The following CRPPA variants were observed in gnomAD, a reference collection of about 807,000 sequenced individuals.
CRPPA encodes the protein D-ribitol-5-phosphate cytidylyltransferase.
Under a neutral mutation model 52.0 loss-of-function variants are expected in CRPPA, and 43 were observed. That is an observed-to-expected ratio of 0.83 (90% CI 0.65 to 1.07). CRPPA has a LOEUF of 1.07. Ranked by LOEUF, CRPPA falls within the 50% of genes least tolerant of loss-of-function variation. The probability of loss-of-function intolerance (pLI) is 0.00; values close to 1 mark genes in which losing one functional copy is unlikely to be tolerated. For synonymous variants in CRPPA, 250 were observed against 203.5 expected (o/e 1.23, Z -1.94); for missense variants, 629 against 551.7 (o/e 1.14, Z -1.40).
chr7:16,362,278 A>T (rs1786474077), intron 3 of CRPPA, among the ~76,000 whole-genome samples: 1 of 152,232 alleles, frequency 6.6e-6, no homozygotes, highest in South Asian at 2.1e-4. Flanking sequence ...AAAGTCCAAG[A>T]TCACTGTGCC....
chr7:16,220,633 A>C (rs1276226443), intron 8 of CRPPA, among the ~76,000 whole-genome samples: 1 of 139,274 alleles, frequency 7.2e-6, no homozygotes, highest in Non-Finnish European at 1.6e-5. Context: ...AATCACAAGC[A>C]TTCTTATACA....
rs766268683 is a variant in CRPPA at position 16,303,491 on chromosome 7, A to AAAAAAAAAAAAAAAAAAAAAAAAC, written c.790-2026_790-2025insGTTTTTTTTTTTTTTTTTTTTTTT. On this transcript the variant is annotated intron_variant, in intron 4 of 9. Transcript: ENST00000407010. The stretch of plus-strand genomic sequence containing the variant: ...ACATAAAATAGTAAAAAAAAAAAAA[A>AAAAAAAAAAAAAAAAAAAAAAAAC]AAAAAAAAAAAACTTTCAGAACACA... Among the ~76,000 whole-genome samples, 108 of 125,014 alleles carry AAAAAAAAAAAAAAAAAAAAAAAAC rather than the reference A, an allele frequency of 8.6e-4. 1 individual carries two copies. The highest frequency in any genetic ancestry group is 1.4e-3 in the Non-Finnish European group (77 of 57,028). 82.0% of individuals were successfully genotyped at this position (125,014 alleles called of 152,430 possible). A position where few individuals can be genotyped will look rare whatever the true frequency, so the allele number is the denominator to read the frequency against.
intron 8 of CRPPA, among the ~76,000 whole-genome samples, chr7:16,251,775 G>A (rs1783456354): frequency 6.6e-6 from 1 of 152,102 alleles, no homozygotes; most frequent in Non-Finnish European, 1.5e-5. Flanking sequence ...AGAGAAAGCA[G>A]GAAAGATCTA....
intron 2 of CRPPA, among the ~76,000 whole-genome samples, chr7:16,395,026 A>G (rs544953616): frequency 6.6e-6 from 1 of 152,320 alleles, no homozygotes. Context: ...CAAAGTATCA[A>G]AATTATGACA....
intron 6 of CRPPA, among the ~76,000 whole-genome samples, chr7:16,259,572 A>T (rs946589573): frequency 1.3e-5 from 2 of 152,034 alleles, no homozygotes; most frequent in African/African-American, 4.8e-5. Context: ...GATTAGATTT[A>T]GAGAAGAACA....
chr7:16,176,680 A>G (rs563535723), intron 9 of CRPPA, among the ~76,000 whole-genome samples: 1 of 152,226 alleles, frequency 6.6e-6, no homozygotes, highest in Admixed American at 6.5e-5. Context: ...GGGCTCAAGC[A>G]GTCCTCTCAC....
At chr7:16,118,112 T>C (rs1217172223) in intron 9 of CRPPA, among the ~76,000 whole-genome samples, 1 of 152,214 alleles carries the variant, frequency 6.6e-6, no homozygotes, top group Non-Finnish European at 1.5e-5. Context: ...ATCCATTCAT[T>C]AAGTACTTAC....
At chr7:16,301,292 C>G in intron 5 of CRPPA, 129 bp downstream of exon 5, 1 of 669,336 alleles carries the variant, frequency 1.5e-6, no homozygotes, top group Non-Finnish European at 2.6e-6. Context: ...TTTCAAAAAA[C>G]AAATCAGAGA....
intron 9 of CRPPA, among the ~76,000 whole-genome samples, chr7:16,114,823 G>A (rs887106912): frequency 6.6e-5 from 10 of 152,088 alleles, no homozygotes; most frequent in African/African-American, 2.4e-4. Context: ...AGTGACAGAA[G>A]AGAGCAGCAT....
chr7:16,287,365 T>C (rs1316160324), intron 5 of CRPPA, among the ~76,000 whole-genome samples: 1 of 152,208 alleles, frequency 6.6e-6, no homozygotes, highest in Admixed American at 6.5e-5. Context: ...TCCTGAACTC[T>C]GCTTATGATT....
At chr7:16,306,322 C>T (rs1784910590) in intron 4 of CRPPA, among the ~76,000 whole-genome samples, 1 of 152,188 alleles carries the variant, frequency 6.6e-6, no homozygotes, top group Non-Finnish European at 1.5e-5. Flanking sequence ...CCAAGAGAAG[C>T]ACTGTGTGGA....
intron 9 of CRPPA, among the ~76,000 whole-genome samples, chr7:16,099,139 G>C (rs1287889376): frequency 6.6e-6 from 1 of 151,930 alleles, no homozygotes; most frequent in African/African-American, 2.4e-5. Context: ...TGTAGTTCCT[G>C]CTACGAAGGT....
At chr7:16,239,558 G>GTAAAAAAAAAAAA (rs1783048039) in intron 8 of CRPPA, among the ~76,000 whole-genome samples, 1 of 16,718 alleles carries the variant, frequency 6.0e-5, no homozygotes, top group Non-Finnish European at 1.2e-4. Flanking sequence ...GAAGTCAATA[G>GTAAAAAAAAAAAA]CAAAAAAAAA....
chr7:16,330,478 C>A (rs1480672289), intron 3 of CRPPA, among the ~76,000 whole-genome samples: 2 of 152,258 alleles, frequency 1.3e-5, no homozygotes, highest in East Asian at 3.9e-4. Flanking sequence ...GAAAAACAGG[C>A]AGATTCAGAG....
intron 4 of CRPPA, among the ~76,000 whole-genome samples, chr7:16,304,423 T>C (rs1479815364): frequency 6.6e-6 from 1 of 152,160 alleles, no homozygotes. Flanking sequence ...AAAACGTATT[T>C]ATAAAATACA....
intron 5 of CRPPA, among the ~76,000 whole-genome samples, chr7:16,286,097 A>AAAAAAAAAAAAAT: frequency 2.6e-5 from 1 of 39,130 alleles, no homozygotes; most frequent in East Asian, 6.1e-4. Context: ...TAAAAAAAAA[A>AAAAAAAAAAAAAT]ATATATATAT....
At chr7:16,224,942 T>C (rs1327235038) in intron 8 of CRPPA, among the ~76,000 whole-genome samples, 1 of 152,102 alleles carries the variant, frequency 6.6e-6, no homozygotes, top group Non-Finnish European at 1.5e-5. Flanking sequence ...TTCTGATGAA[T>C]AGAAACTAAA....
chr7:16,418,162 A>C (rs529893684), intron 1 of CRPPA, among the ~76,000 whole-genome samples: 1 of 152,236 alleles, frequency 6.6e-6, no homozygotes, highest in Admixed American at 6.5e-5. Context: ...CAAATGGCCA[A>C]GCAGCACCCA....
intron 5 of CRPPA, among the ~76,000 whole-genome samples, chr7:16,284,985 G>C (rs1784394080): frequency 6.6e-6 from 1 of 151,822 alleles, no homozygotes; most frequent in African/African-American, 2.4e-5. Flanking sequence ...AATGAGAGGA[G>C]AAAAGGCACA....
Sources: allele counts gnomAD v4.1 joint callset (sites outside exome capture counted in the v4.1 genomes callset), GRCh38; gene constraint gnomAD v4.1.1; transcripts MANE v1.5; gene names NCBI Gene and HGNC (gene_info 2026-07-23, HGNC 2026-07-21).